The following SUGCT variants were observed in gnomAD, a reference collection of about 807,000 sequenced individuals.
SUGCT encodes the protein succinyl-CoA:glutarate CoA-transferase.
SUGCT carries 41 observed loss-of-function variants against 55.0 expected under a neutral mutation model. The observed-to-expected ratio is 0.74, with a 90% CI of 0.58 to 0.97. SUGCT has a LOEUF of 0.97. SUGCT is among the 50% of genes least tolerant of loss of function. The probability of loss-of-function intolerance (pLI) is 0.00; values close to 1 mark genes in which losing one functional copy is unlikely to be tolerated. For synonymous variants in SUGCT, 187 were observed against 200.4 expected (o/e 0.93, Z 0.56); for missense variants, 568 against 547.8 (o/e 1.04, Z -0.37).
the SUGCT span, among the ~76,000 whole-genome samples, chr7:40,944,914 T>G: frequency 6.6e-6 from 1 of 152,216 alleles, no homozygotes; most frequent in Non-Finnish European, 1.5e-5. Flanking sequence ...TAGAGGATGA[T>G]GCCTAAAAAC....
chr7:40,991,960 C>T, the SUGCT span, among the ~76,000 whole-genome samples: 84 of 152,116 alleles, frequency 5.5e-4, no homozygotes, highest in African/African-American at 1.8e-3. Context: ...GGTCCCAATC[C>T]AGACCCCAAG....
chr7:40,660,668 G>C (rs1268492050), intron 12 of SUGCT, among the ~76,000 whole-genome samples: 1 of 152,142 alleles, frequency 6.6e-6, no homozygotes, highest in African/African-American at 2.4e-5. Flanking sequence ...AATTCATTCA[G>C]GCGGGCATAC....
chr7:40,839,016 A>G (rs1024301959), intron 13 of SUGCT, among the ~76,000 whole-genome samples: 2 of 150,900 alleles, frequency 1.3e-5, no homozygotes, highest in Admixed American at 6.6e-5. Flanking sequence ...TGATATGATC[A>G]CATGATTTTT....
chr7:40,694,434 C>T (rs1002416975), intron 12 of SUGCT, among the ~76,000 whole-genome samples: 2 of 152,222 alleles, frequency 1.3e-5, no homozygotes, highest in African/African-American at 2.4e-5. Context: ...TTCTTTGCAT[C>T]TCAGAATCAG....
intron 12 of SUGCT, among the ~76,000 whole-genome samples, chr7:40,666,269 T>C (rs1218610829): frequency 6.6e-6 from 1 of 151,318 alleles, no homozygotes; most frequent in Non-Finnish European, 1.5e-5. Flanking sequence ...AGTATCACTT[T>C]TACCTGGGAG....
intron 6 of SUGCT, among the ~76,000 whole-genome samples, chr7:40,201,419 A>AACCC (rs1218580490): frequency 6.6e-6 from 1 of 152,188 alleles, no homozygotes; most frequent in Non-Finnish European, 1.5e-5. Context: ...TATTAAAGGG[A>AACCC]ACCCTCATAG....
the SUGCT span, among the ~76,000 whole-genome samples, chr7:40,997,742 A>G: frequency 5.0e-4 from 76 of 152,314 alleles, no homozygotes; most frequent in African/African-American, 1.8e-3. Flanking sequence ...CTCAGATCCT[A>G]GACAGTGGGA....
chr7:40,135,810 C>T (rs1269133053), intron 1 of SUGCT, among the ~76,000 whole-genome samples: 1 of 152,016 alleles, frequency 6.6e-6, no homozygotes, highest in Non-Finnish European at 1.5e-5. Flanking sequence ...GCATGCGCCA[C>T]CACGCCCAAC....
intron 13 of SUGCT, among the ~76,000 whole-genome samples, chr7:40,792,265 A>G (rs1790349823): frequency 6.6e-6 from 1 of 152,140 alleles, no homozygotes; most frequent in Admixed American, 6.6e-5. Flanking sequence ...GTATTACTCT[A>G]AAGCAGGGTA....
chr7:40,682,043 G>T (rs1278221617), intron 12 of SUGCT, among the ~76,000 whole-genome samples: 1 of 152,156 alleles, frequency 6.6e-6, no homozygotes, highest in Non-Finnish European at 1.5e-5. Flanking sequence ...CTTGGCTGTT[G>T]TTTTAGACTA....
At chr7:40,670,295 A>T in intron 12 of SUGCT, among the ~76,000 whole-genome samples, 1 of 151,928 alleles carries the variant, frequency 6.6e-6, no homozygotes, top group Non-Finnish European at 1.5e-5. Flanking sequence ...GAAGGAAGGT[A>T]TTAATAAAGG....
At chr7:40,570,485 A>G (rs78582276) in intron 12 of SUGCT, among the ~76,000 whole-genome samples, 3,468 of 151,510 alleles carry the variant, frequency 0.023, 126 homozygotes, top group African/African-American at 0.082. Context: ...ATGTGAGACA[A>G]GGAGAATGGA....
At chr7:40,427,511 T>C (rs34181304) in intron 9 of SUGCT, among the ~76,000 whole-genome samples, 1 of 152,222 alleles carries the variant, frequency 6.6e-6, no homozygotes, top group Non-Finnish European at 1.5e-5. Context: ...TGTTAAATAG[T>C]TGTCTTTATG....
At chr7:40,810,273 A>C (rs570136236) in intron 13 of SUGCT, among the ~76,000 whole-genome samples, 24 of 152,078 alleles carry the variant, frequency 1.6e-4, no homozygotes, top group Admixed American at 6.6e-4. Flanking sequence ...TTTCTTTTGG[A>C]TACATACCTA....
chr7:40,975,093 G>A, the SUGCT span, among the ~76,000 whole-genome samples: 1 of 152,152 alleles, frequency 6.6e-6, no homozygotes, highest in East Asian at 1.9e-4. Flanking sequence ...AATAGAATCT[G>A]AGGTGACTCT....
the SUGCT span, among the ~76,000 whole-genome samples, chr7:41,017,234 A>T: frequency 6.6e-6 from 1 of 152,146 alleles, no homozygotes; most frequent in South Asian, 2.1e-4. Context: ...AAACTTTGAC[A>T]TTCTCATTAT....
At chr7:40,485,772 C>G (rs934577127) in intron 11 of SUGCT, among the ~76,000 whole-genome samples, 1 of 152,048 alleles carries the variant, frequency 6.6e-6, no homozygotes, top group African/African-American at 2.4e-5. Flanking sequence ...TGAGTTTTGT[C>G]AAATTTAGTC....
At chr7:40,341,877 C>A (rs1003540842) in intron 9 of SUGCT, among the ~76,000 whole-genome samples, 2 of 152,080 alleles carry the variant, frequency 1.3e-5, no homozygotes, top group Admixed American at 1.3e-4. Context: ...CCTGTGCATT[C>A]TTTTGGTTTT....
At chr7:40,947,609 C>A in the SUGCT span, among the ~76,000 whole-genome samples, 2 of 151,878 alleles carry the variant, frequency 1.3e-5, no homozygotes, top group Non-Finnish European at 2.9e-5. Flanking sequence ...TTGACTTCCT[C>A]CCTAGAATTT....
Sources: gnomAD v4.1 joint callset for allele counts (sites outside exome capture counted in the v4.1 genomes callset) on GRCh38, gnomAD v4.1.1 for gene constraint, MANE v1.5 for transcripts, NCBI Gene and HGNC (gene_info 2026-07-23, HGNC 2026-07-21) for gene names.